RNF214: variants seen among roughly 807,000 people sequenced by gnomAD.
RNF214 encodes the protein ring finger protein 214.
Under a neutral mutation model 75.9 loss-of-function variants are expected in RNF214, and 25 were observed. The ratio of observed to expected loss-of-function variants is 0.33; its 90% CI spans 0.24 to 0.46. The LOEUF (loss-of-function observed/expected upper bound fraction) is 0.46. Ranked by LOEUF, RNF214 falls within the 20% of genes least tolerant of loss-of-function variation. RNF214 has a pLI of 1.00. For missense variants in RNF214, 725 were observed against 857.5 expected (o/e 0.85, Z 1.93); for synonymous variants, 314 against 308.8 (o/e 1.02, Z -0.18).
chr11:117,268,744 G>C (rs187793638), intron 6 of RNF214, among the ~76,000 whole-genome samples: 2 of 152,164 alleles, frequency 1.3e-5, no homozygotes, highest in Non-Finnish European at 2.9e-5. Context: ...GAATTTGATT[G>C]GGTTTGTATA....
At position 117,243,210 on chromosome 11, in the gene RNF214, A is replaced by G. The variant is rs1039052653; in HGVS notation, c.679-1235A>G. Among the ~76,000 whole-genome samples the G allele has an allele frequency of 9.9e-5, 15 of 152,212 alleles. No homozygotes were observed. In the South Asian group the frequency reaches 1.4e-3, roughly 15 times the overall value. ...CACCCAGTCTGGACTGCAGGGGCAC[A>G]GTCTCTGCTCACTGCAACCTCTGCC... On this transcript the variant is annotated intron_variant, in intron 4 of 14. Transcript: ENST00000300650.
intron 4 of RNF214, among the ~76,000 whole-genome samples, chr11:117,240,476 T>C (rs1156654768): frequency 6.8e-6 from 1 of 147,410 alleles, no homozygotes. Context: ...TCACCTGAGG[T>C]TGAGAGTTTG....
chr11:117,252,391 C>T (rs1487387037), intron 6 of RNF214, among the ~76,000 whole-genome samples: 1 of 152,196 alleles, frequency 6.6e-6, no homozygotes, highest in East Asian at 1.9e-4. Flanking sequence ...GGATAACTCC[C>T]ATATTTCTGG....
Position 117,281,586 on chromosome 11 carries a change from CT to C in RNF214, c.1237-3del, listed in dbSNP as rs543762597. 0.078 allele frequency: 72,506 copies of C among 933,366 alleles called. 18 individuals carry two copies. Among genetic ancestry groups the C allele is most frequent in the South Asian group, 0.1 (4,466 of 43,678 alleles). The allele number at this position is 933,366 out of a possible 1,614,324, so 57.8% of individuals were successfully genotyped here. On this transcript the variant is annotated splice_polypyrimidine_tract_variant and intron_variant, in intron 9 of 14. Coordinates refer to ENST00000300650, the MANE Select transcript of RNF214 (RefSeq NM_207343.4). ...AGTCAGTTCAGCAGTAAAAATAATC[CT>C]TTTTTTTTTTAGGACCAATTTAATA...
At chr11:117,272,058 C>T (rs1250294475) in intron 6 of RNF214, among the ~76,000 whole-genome samples, 1 of 152,124 alleles carries the variant, frequency 6.6e-6, no homozygotes, top group African/African-American at 2.4e-5. Flanking sequence ...AAGTGATCCT[C>T]CTACTTTGGC....
intron 4 of RNF214, among the ~76,000 whole-genome samples, chr11:117,242,709 C>T (rs2033111319): frequency 6.6e-6 from 1 of 152,100 alleles, no homozygotes; most frequent in Non-Finnish European, 1.5e-5. Context: ...AAAAATTAGC[C>T]GAACGTGGTG....
intron 6 of RNF214, among the ~76,000 whole-genome samples, chr11:117,251,357 G>A (rs1177256078): frequency 7.3e-6 from 1 of 137,068 alleles, no homozygotes; most frequent in African/African-American, 2.7e-5. Flanking sequence ...CCTCCCGGAC[G>A]GGGCGGCTGG....
intron 4 of RNF214, among the ~76,000 whole-genome samples, chr11:117,242,314 T>G (rs757377602): frequency 1.3e-5 from 2 of 151,244 alleles, no homozygotes; most frequent in Non-Finnish European, 3.0e-5. Flanking sequence ...GATAAGAGAG[T>G]GGATATTTGG....
intron 6 of RNF214, 146 bp downstream of exon 6, chr11:117,247,094 CT>C: frequency 1.7e-6 from 1 of 596,550 alleles, no homozygotes. Context: ...ATGACTTTAG[CT>C]TTTTCAGTAT....
At chr11:117,257,918 C>T (rs1404693438) in intron 6 of RNF214, among the ~76,000 whole-genome samples, 2 of 152,012 alleles carry the variant, frequency 1.3e-5, no homozygotes, top group African/African-American at 2.4e-5. Context: ...ATTTACTTCT[C>T]CCCTAATATT....
In RNF214 at chr11:117,256,076, T is replaced by C. The variant is rs640768; in HGVS notation, c.959+9128T>C. 4.3e-3 allele frequency among the ~76,000 whole-genome samples: 658 copies of C among 152,294 alleles called. 2 individuals are homozygous for C. The highest frequency in any genetic ancestry group is 0.015 in the African/African-American group (626 of 41,562). On this transcript the variant is annotated intron_variant, in intron 6 of 14. Coordinates refer to ENST00000300650, the MANE Select transcript of RNF214 (RefSeq NM_207343.4). ...ACTATATGCAGTATTCTGAACGTAC[T>C]TAAAACTCAGCCTGTGCCACCTGCT...
intron 6 of RNF214, among the ~76,000 whole-genome samples, chr11:117,271,357 A>C (rs2033906442): frequency 6.6e-6 from 1 of 152,204 alleles, no homozygotes; most frequent in African/African-American, 2.4e-5. Flanking sequence ...CAACAATGCC[A>C]GCTCTGTTTG....
At chr11:117,251,634 G>A (rs1021010166) in intron 6 of RNF214, among the ~76,000 whole-genome samples, 35 of 152,140 alleles carry the variant, frequency 2.3e-4, no homozygotes, top group Non-Finnish European at 3.5e-4. Context: ...GCAGGGGTCA[G>A]GGTAGGTATA....
At chr11:117,274,524 G>A (rs1268540595) in intron 6 of RNF214, among the ~76,000 whole-genome samples, 1 of 150,942 alleles carries the variant, frequency 6.6e-6, no homozygotes. Flanking sequence ...TACCACACTC[G>A]GCTAATTTTT....
chr11:117,258,900 C>T (rs766194002), intron 6 of RNF214, among the ~76,000 whole-genome samples: 17 of 152,226 alleles, frequency 1.1e-4, no homozygotes, highest in South Asian at 2.1e-4. Context: ...TTATTTCTTT[C>T]GGCAGAATGC....
At chr11:117,267,325 T>A (rs1393769750) in intron 6 of RNF214, among the ~76,000 whole-genome samples, 1 of 152,136 alleles carries the variant, frequency 6.6e-6, no homozygotes, top group African/African-American at 2.4e-5. Context: ...CAAGATCACC[T>A]TCTTCTTGGA....
chr11:117,250,376 T>C (rs1326186864), intron 6 of RNF214, among the ~76,000 whole-genome samples: 1 of 152,230 alleles, frequency 6.6e-6, no homozygotes, highest in Non-Finnish European at 1.5e-5. Context: ...TTATGTATTT[T>C]GGGTGTATAA....
At position 117,285,128 on chromosome 11, in the gene RNF214, C is replaced by T; in HGVS notation, c.2089C>T (p.Pro697Ser). ...CCAGACCAACACAAATGACACTTGTCCCTTTTGTCCAACTCTTAAATGACG... is the reference window on the plus strand; with the variant it reads ...CCAGACCAACACAAATGACACTTGTTCCTTTTGTCCAACTCTTAAATGACG... ...WAQTNTNDTCPFCPTLK is the reference protein window; with the variant it reads ...WAQTNTNDTCSFCPTLK Residue 697 changes from proline (P) to serine (S), a missense_variant, in exon 15 of 15, where the codon CCC becomes TCC. Around this residue, in one of 2 missense-constraint regions of RNF214, gnomAD observed 363 missense variants for 513.0 expected, o/e 0.71. Transcript: ENST00000300650. The T allele has an allele frequency of 6.2e-7, 1 of 1,612,444 alleles. No homozygotes were observed. The highest frequency in any genetic ancestry group is 8.5e-7 in the Non-Finnish European group (1 of 1,178,582).
At chr11:117,247,033 C>T (rs566327554) in intron 6 of RNF214, 85 bp downstream of exon 6, 1 of 1,128,718 alleles carries the variant, frequency 8.9e-7, no homozygotes, top group East Asian at 2.6e-5. Context: ...GTTTCTTTCC[C>T]TTCGGTTTAA....
Sources: allele counts gnomAD v4.1 joint callset (sites outside exome capture counted in the v4.1 genomes callset), GRCh38; gene constraint gnomAD v4.1.1; regional missense constraint gnomAD v4.1.1; transcripts MANE v1.5; gene names NCBI Gene and HGNC (gene_info 2026-07-23, HGNC 2026-07-21).